SKA3: variants seen among roughly 807,000 people sequenced by gnomAD.
SKA3 encodes spindle and kinetochore associated complex subunit 3, also known as spindle and kinetochore-associated protein 3.
Under a neutral mutation model 44.2 loss-of-function variants are expected in SKA3, and 39 were observed. That is an observed-to-expected ratio of 0.88 (90% CI 0.68 to 1.15). The LOEUF is 1.15. Among genes scored for constraint, SKA3 ranks in the 50% most tolerant of loss-of-function variants. The pLI, the probability that SKA3 is intolerant of heterozygous loss-of-function variation, is 0.00. For missense variants in SKA3, 511 were observed against 485.8 expected (o/e 1.05, Z -0.49); for synonymous variants, 192 against 172.0 (o/e 1.12, Z -0.91).
At chr13:21,158,293 C>T (rs4564431) in intron 6 of SKA3, among the ~76,000 whole-genome samples, 168 bp from the exon 7 acceptor site, 131,085 of 152,208 alleles carry the variant, frequency 0.86, 56,692 homozygotes, top group East Asian at 0.99. Context: ...ATACAGAGGA[C>T]AAAATATCAT....
At chr13:21,168,700 A>T (rs1040525499) in intron 3 of SKA3, among the ~76,000 whole-genome samples, 11 of 151,404 alleles carry the variant, frequency 7.3e-5, no homozygotes, top group Non-Finnish European at 1.5e-4. Context: ...AATTTTAAAA[A>T]TTTTTTTTTG....
At chr13:21,174,796 C>T (rs759856270) in intron 1 of SKA3, among the ~76,000 whole-genome samples, 2 of 143,792 alleles carry the variant, frequency 1.4e-5, no homozygotes, top group Non-Finnish European at 3.1e-5. Flanking sequence ...CAACAAAAAG[C>T]GCATTTGTTC....
At chr13:21,172,172 T>G (rs1354040434) in intron 3 of SKA3, 167 bp downstream of exon 3, 4 of 472,864 alleles carry the variant, frequency 8.5e-6, no homozygotes, top group Non-Finnish European at 1.1e-5. Context: ...TGATTAGCAC[T>G]CCAAAAGCAC....
intron 3 of SKA3, among the ~76,000 whole-genome samples, chr13:21,171,606 C>T (rs1430462515): frequency 2.0e-5 from 3 of 150,756 alleles, no homozygotes; most frequent in Non-Finnish European, 3.0e-5. Flanking sequence ...GTTAGTCATT[C>T]AGAGGTATGG....
At chr13:21,163,570 C>A (rs1190980872) in intron 4 of SKA3, among the ~76,000 whole-genome samples, 1 of 152,086 alleles carries the variant, frequency 6.6e-6, no homozygotes, top group African/African-American at 2.4e-5. Context: ...TGAATATAAC[C>A]TGTCTTTTTT....
intron 5 of SKA3, 130 bp downstream of exon 5, chr13:21,161,660 A>C (rs937282169): frequency 1.9e-6 from 1 of 535,338 alleles, no homozygotes; most frequent in Non-Finnish European, 3.1e-6. Context: ...AATGGTACTT[A>C]ATGTAATCCA....
At chr13:21,167,273 C>G (rs1448726407) in intron 4 of SKA3, among the ~76,000 whole-genome samples, 3 of 152,144 alleles carry the variant, frequency 2.0e-5, no homozygotes, top group African/African-American at 4.8e-5. Flanking sequence ...TCCCATGTCT[C>G]CATAGCAAAT....
intron 4 of SKA3, among the ~76,000 whole-genome samples, chr13:21,166,600 G>A (rs1354784371): frequency 6.6e-6 from 1 of 152,126 alleles, no homozygotes; most frequent in East Asian, 1.9e-4. Flanking sequence ...CAAATGTAGT[G>A]GTGTGTGCCT....
At chr13:21,176,354 C>G (rs1450348849) in intron 1 of SKA3, 21 bp downstream of exon 1, 1 of 1,201,912 alleles carries the variant, frequency 8.3e-7, no homozygotes, top group Non-Finnish European at 1.1e-6. Flanking sequence ...GCACCGTGCC[C>G]TGGCCGCCCG....
In SKA3 at chr13:21,168,128, T is replaced by G; in HGVS notation, c.603A>C (p.Leu201=). 1 of 1,614,250 alleles carries G rather than the reference T, an allele frequency of 6.2e-7. No homozygotes were observed. The highest frequency in any genetic ancestry group is 8.5e-7 in the Non-Finnish European group (1 of 1,180,052). The change falls in exon 4 of 9, where the codon CTA becomes CTC. Residue 201 remains leucine, a synonymous_variant. Coordinates refer to ENST00000314759, the MANE Select transcript of SKA3 (RefSeq NM_145061.6). The stretch of plus-strand genomic sequence containing the variant: ...TTTTTAGTGCACATTTTGGAGTTTT[T>G]AGTACTTTTACTAGTGATTGTTTGG... ...PPTKQSLVKV[L]KTPKCALKMD... is the part of the protein sequence containing the mutation.
At chr13:21,170,255 CG>C (rs1365491831) in intron 3 of SKA3, among the ~76,000 whole-genome samples, 1 of 150,960 alleles carries the variant, frequency 6.6e-6, no homozygotes, top group African/African-American at 2.4e-5. Flanking sequence ...TCTCAGCTCA[CG>C]GCAACCTCCG....
intron 4 of SKA3, among the ~76,000 whole-genome samples, chr13:21,165,129 T>TA (rs1217196605): frequency 6.6e-6 from 1 of 152,094 alleles, no homozygotes. Context: ...TTTTTCCAGT[T>TA]AACTAATTGT....
chr13:21,158,206 C>T lies in SKA3; in HGVS notation c.916-81G>A. The T allele has an allele frequency of 3.1e-6, 3 of 963,798 alleles. No individual in the cohort carries two copies. In the South Asian group the frequency reaches 4.9e-5, roughly 16 times the overall value. The allele number at this position is 963,798 out of a possible 1,614,324, so 59.7% of individuals were successfully genotyped here. On this transcript the variant is annotated intron_variant, in intron 6 of 8. Transcript: ENST00000314759. ...AAAAATAGTTAATCATTTGTTACTTCTATTGGGGTCTCTAATAGGCTCCCA... is the reference window on the plus strand; with the variant it reads ...AAAAATAGTTAATCATTTGTTACTTTTATTGGGGTCTCTAATAGGCTCCCA...
Position 21,172,352 on chromosome 13 carries a change from GAC to G in SKA3, c.316_317del (p.Val106GlnfsTer12). ...YFQKYGYSPRVKKNSVHEQEA... is the reference protein window; with the variant it reads ...YFQKYGYSPRXKKNSVHEQEA... ...AGTTATTCAAACCTGAATTTTTCTT[GAC>G]ACGTGGACTATATCCATACTTCTGG... On this transcript the variant is annotated frameshift_variant, in exon 3 of 9. Coordinates refer to ENST00000314759, the MANE Select transcript of SKA3 (RefSeq NM_145061.6). LOFTEE classifies it high-confidence loss of function. 1.9e-6 allele frequency: 3 copies of G among 1,543,402 alleles called. No homozygotes were observed. The highest frequency in any genetic ancestry group is 2.6e-6 in the Non-Finnish European group (3 of 1,148,044).
At chr13:21,175,700 AACT>A (rs1330517254) in intron 1 of SKA3, among the ~76,000 whole-genome samples, 1 of 152,226 alleles carries the variant, frequency 6.6e-6, no homozygotes, top group African/African-American at 2.4e-5. Flanking sequence ...CCAAAATCTG[AACT>A]ACTTTTTCAA....
In SKA3 at chr13:21,168,093, A is replaced by G; in HGVS notation, c.638T>C (p.Phe213Ser). Residue 213 changes from phenylalanine to serine, a missense_variant, in exon 4 of 9, where the codon TTT becomes TCT. Transcript: ENST00000314759. ...TTCTAATTTAGGAGTTACACACTCA[A>G]AATCATCCATTTTTAGTGCACATTT... is the stretch of plus-strand genomic sequence containing the variant. Reference protein sequence around the residue: ...TPKCALKMDDFECVTPKLEHF... With the variant: ...TPKCALKMDDSECVTPKLEHF... 1 of 1,614,200 alleles carries G rather than the reference A, an allele frequency of 6.2e-7. No individual in the cohort carries two copies. Among genetic ancestry groups the G allele is most frequent in the Admixed American group, 1.7e-5 (1 of 60,026 alleles).
chr13:21,159,826 T>A, intron 6 of SKA3, 76 bp downstream of exon 6: 1 of 943,914 alleles, frequency 1.1e-6, no homozygotes, highest in Non-Finnish European at 1.5e-6. Flanking sequence ...CTAAACAGAC[T>A]CTTTGAGCCT....
intron 1 of SKA3, among the ~76,000 whole-genome samples, chr13:21,173,440 G>C (rs1373177175): frequency 6.6e-6 from 1 of 152,152 alleles, no homozygotes; most frequent in East Asian, 1.9e-4. Flanking sequence ...ATTTTTAATA[G>C]AGATGGGGGT....
At chr13:21,169,241 T>A (rs990156733) in intron 3 of SKA3, among the ~76,000 whole-genome samples, 8 of 151,804 alleles carry the variant, frequency 5.3e-5, no homozygotes, top group Non-Finnish European at 7.4e-5. Flanking sequence ...TTTTTTTTTT[T>A]ATTTTTATTT....
Sources: allele counts gnomAD v4.1 joint callset (sites outside exome capture counted in the v4.1 genomes callset), GRCh38; gene constraint gnomAD v4.1.1; transcripts MANE v1.5; gene names NCBI Gene and HGNC (gene_info 2026-07-23, HGNC 2026-07-21).